The following CAMTA1 variants were observed in gnomAD, a reference collection of about 807,000 sequenced individuals.
The protein encoded by CAMTA1 is calmodulin-binding transcription activator 1.
Under a neutral mutation model 170.9 loss-of-function variants are expected in CAMTA1, and 27 were observed. That is an observed-to-expected ratio of 0.16 (90% CI 0.12 to 0.22). CAMTA1 has a LOEUF of 0.22. Ranked by LOEUF, CAMTA1 falls within the 10% of genes least tolerant of loss-of-function variation. The pLI is 1.00. For synonymous variants in CAMTA1, 833 were observed against 891.5 expected (o/e 0.93, Z 1.17); for missense variants, 1,619 against 2,217.2 (o/e 0.73, Z 5.42).
chr1:7,277,435 AAATT>A (rs1378340403), intron 5 of CAMTA1, among the ~76,000 whole-genome samples: 1 of 150,766 alleles, frequency 6.6e-6, no homozygotes, highest in African/African-American at 2.5e-5. Flanking sequence ...CTAGAGAACT[AAATT>A]AATCTTTCCA....
chr1:6,977,649 CT>C (rs1421302333), intron 3 of CAMTA1, among the ~76,000 whole-genome samples: 1 of 152,126 alleles, frequency 6.6e-6, no homozygotes, highest in Non-Finnish European at 1.5e-5. Flanking sequence ...CTGGACTAAG[CT>C]TTTTTAAGCA....
intron 5 of CAMTA1, among the ~76,000 whole-genome samples, chr1:7,445,578 G>A (rs2092659672): frequency 6.6e-6 from 1 of 152,174 alleles, no homozygotes; most frequent in Non-Finnish European, 1.5e-5. Context: ...GAGCTGGCCT[G>A]TGTCCCCTCC....
chr1:7,387,314 A>G (rs1359251482), intron 5 of CAMTA1, among the ~76,000 whole-genome samples: 1 of 152,028 alleles, frequency 6.6e-6, no homozygotes, highest in Non-Finnish European at 1.5e-5. Context: ...TCTCCCACCG[A>G]CATGGCACCA....
intron 4 of CAMTA1, among the ~76,000 whole-genome samples, chr1:7,160,500 T>C (rs1647150803): frequency 6.6e-6 from 1 of 152,012 alleles, no homozygotes; most frequent in South Asian, 2.1e-4. Context: ...GACTCTTCCC[T>C]AGGCCCTCTG....
At chr1:7,692,893 G>A (rs773898693) in intron 11 of CAMTA1, among the ~76,000 whole-genome samples, 12 of 152,182 alleles carry the variant, frequency 7.9e-5, no homozygotes, top group East Asian at 1.9e-4. Flanking sequence ...GGGGGCACAC[G>A]GAACAACACA....
chr1:7,289,823 G>T, intron 5 of CAMTA1, among the ~76,000 whole-genome samples: 1 of 152,178 alleles, frequency 6.6e-6, no homozygotes, highest in East Asian at 1.9e-4. Flanking sequence ...ATTGACACAA[G>T]ACTGGAAGCT....
Position 6,887,595 on chromosome 1 carries a change from C to A in CAMTA1, c.234+62385C>A. 3 of 1,522,900 alleles carry A rather than the reference C, an allele frequency of 2.0e-6. No individual in the cohort carries two copies. Among genetic ancestry groups the A allele is most frequent in the Non-Finnish European group, 2.6e-6 (3 of 1,140,752 alleles). The allele number at this position is 1,522,900 out of a possible 1,614,324, so 94.3% of individuals were successfully genotyped here. On this transcript the variant is annotated intron_variant, in intron 3 of 22. Transcript: ENST00000303635. This position sits in a 1 kb window ranked among gnomAD's most constrained non-coding sequence, Gnocchi z 4.1. ...TCTGGAAATGGGGCAAATTTTTCTT[C>A]AGTTAAAAACAGAAATAGAAGCGAC...
chr1:7,200,810 A>G (rs998300307), intron 4 of CAMTA1, among the ~76,000 whole-genome samples: 19 of 152,184 alleles, frequency 1.2e-4, no homozygotes, highest in South Asian at 4.1e-4. Context: ...TTTCTAATTA[A>G]TAAGTATCTC....
chr1:7,004,180 A>G (rs1423244266), intron 3 of CAMTA1, among the ~76,000 whole-genome samples: 1 of 152,220 alleles, frequency 6.6e-6, no homozygotes, highest in Admixed American at 6.5e-5. Flanking sequence ...AATGGTGAAA[A>G]ATTGTCTATT....
chr1:6,869,321 G>C (rs1438565380), intron 3 of CAMTA1, among the ~76,000 whole-genome samples: 1 of 152,218 alleles, frequency 6.6e-6, no homozygotes, highest in Middle Eastern at 3.2e-3. Context: ...CCTTGATGGG[G>C]AGAGAAGCTA....
intron 4 of CAMTA1, among the ~76,000 whole-genome samples, chr1:7,247,201 G>T (rs1192458847): frequency 1.3e-5 from 2 of 152,230 alleles, no homozygotes; most frequent in African/African-American, 4.8e-5. Context: ...GGACACTTAA[G>T]TTCCCTGTGG....
At chr1:6,926,794 G>T (rs1302708148) in intron 3 of CAMTA1, among the ~76,000 whole-genome samples, 1 of 149,112 alleles carries the variant, frequency 6.7e-6, no homozygotes, top group African/African-American at 2.5e-5. Flanking sequence ...GCATTGGCTC[G>T]ATTGCAGCTC....
At chr1:7,068,406 C>T (rs72640059) in intron 3 of CAMTA1, among the ~76,000 whole-genome samples, 9,262 of 151,758 alleles carry the variant, frequency 0.061, 315 homozygotes, top group Non-Finnish European at 0.068. Context: ...TTGAGTTTTA[C>T]GGACATGAGT....
chr1:7,104,574 C>G (rs139798225), intron 4 of CAMTA1, among the ~76,000 whole-genome samples: 8 of 152,184 alleles, frequency 5.3e-5, no homozygotes, highest in African/African-American at 1.9e-4. Context: ...CTTTGGTTCC[C>G]CTTGAATGCC....
intron 11 of CAMTA1, among the ~76,000 whole-genome samples, chr1:7,699,850 C>T (rs2096419271): frequency 6.6e-6 from 1 of 152,174 alleles, no homozygotes; most frequent in South Asian, 2.1e-4. Flanking sequence ...TATTCAGATA[C>T]TTTGCCCATT....
rs371588178 is a variant in CAMTA1, at chr1:7,272,692, C to CAAAAAAAAAAAA, written c.438+23079_438+23090dup. On this transcript the variant is annotated intron_variant, in intron 5 of 22. Coordinates refer to ENST00000303635, the MANE Select transcript of CAMTA1 (RefSeq NM_015215.4). Reference sequence around the variant, plus strand: ...TCTGGGGCAACTGGATAAACACATGCAAAAAAAAAAAAAAAAAAAAAAAAG... The same window carrying CAAAAAAAAAAAA: ...TCTGGGGCAACTGGATAAACACATGCAAAAAAAAAAAAAAAAAAAAAAAAAAAAAAAAAAAAG... 2.7e-3 allele frequency among the ~76,000 whole-genome samples: 105 copies of CAAAAAAAAAAAA among 38,800 alleles called. 2 individuals carry two copies. Among genetic ancestry groups the CAAAAAAAAAAAA allele is most frequent in the Non-Finnish European group, 3.6e-3 (79 of 21,674 alleles). The allele number at this position is 38,800 out of a possible 152,430, so 25.5% of individuals were successfully genotyped here.
At chr1:7,198,287 A>C (rs908057211) in intron 4 of CAMTA1, among the ~76,000 whole-genome samples, 3 of 151,960 alleles carry the variant, frequency 2.0e-5, no homozygotes, top group African/African-American at 7.3e-5. Context: ...GGAGGCCTGG[A>C]GGTGGGCTCA....
chr1:7,075,247 G>C (rs934706826), intron 3 of CAMTA1, among the ~76,000 whole-genome samples: 1 of 152,124 alleles, frequency 6.6e-6, no homozygotes, highest in African/African-American at 2.4e-5. Context: ...GCAATGGTTT[G>C]CCAAAGCTAT....
At position 7,732,646 on chromosome 1, in the gene CAMTA1, T is replaced by C. The variant is rs2096742566; in HGVS notation, c.3066+47T>C. The C allele has an allele frequency of 4.6e-6, 7 of 1,516,212 alleles. No individual in the cohort carries two copies. In the East Asian group the frequency reaches 7.1e-5, roughly 15 times the overall value. The allele number at this position is 1,516,212 out of a possible 1,614,324, so 93.9% of individuals were successfully genotyped here. ...CAGCTCCCATTTCGCTTCATGTTTA[T>C]GGATTGGCGAGGCAGTGGATGGATC... On this transcript the variant is annotated intron_variant, in intron 12 of 22. Coordinates refer to ENST00000303635, the MANE Select transcript of CAMTA1 (RefSeq NM_015215.4). This position sits in a 1 kb window ranked among gnomAD's most constrained non-coding sequence, Gnocchi z 4.1.
Sources: allele counts gnomAD v4.1 joint callset (sites outside exome capture counted in the v4.1 genomes callset), GRCh38; gene constraint gnomAD v4.1.1; non-coding constraint Gnocchi (gnomAD v3.1); transcripts MANE v1.5; gene names NCBI Gene and HGNC (gene_info 2026-07-23, HGNC 2026-07-21).